Variants in COL1A2 observed in about 807,000 individuals in gnomAD.
COL1A2 encodes collagen type I alpha 2 chain.
A neutral mutation model predicts 174.3 loss-of-function variants in COL1A2; 49 were observed. The observed-to-expected ratio is 0.28, with a 90% CI of 0.22 to 0.36. The LOEUF is 0.36. Ranked by LOEUF, COL1A2 falls within the 10% of genes least tolerant of loss-of-function variation. The pLI is 1.00. For synonymous variants in COL1A2, 655 were observed against 606.6 expected, an observed-to-expected ratio of 1.08 and a Z score of -1.17; for missense variants, 1,438 against 1,822.7, an observed-to-expected ratio of 0.79 and a Z score of 3.84.
At chr7:94,409,534 G>T (rs1469222310) in intron 17 of COL1A2, 30 bp from the exon 18 acceptor site, 1 of 1,614,010 alleles carries the variant, frequency 6.2e-7, no homozygotes, top group Non-Finnish European at 8.5e-7. Context: ...CCAATTAACT[G>T]ATATCCTTCT....
At chr7:94,404,949 A>C (rs1791765074) in intron 9 of COL1A2, 57 bp downstream of exon 9, 3 of 1,586,784 alleles carry the variant, frequency 1.9e-6, no homozygotes, top group African/African-American at 1.3e-5. Context: ...TTGCCTCAAC[A>C]AGATTTTCTA....
intron 10 of COL1A2, 49 bp downstream of exon 10, chr7:94,405,301 G>A: frequency 6.5e-7 from 1 of 1,549,924 alleles, no homozygotes; most frequent in Non-Finnish European, 8.9e-7. Flanking sequence ...AGGCCTATAA[G>A]ATAGTTGCTA....
In COL1A2 at chr7:94,430,032, T is replaced by G. The variant is rs435184; in HGVS notation, c.3955-215T>G. The G allele has an allele frequency of 0.12, 70,317 of 565,900 alleles. 6,470 individuals are homozygous for G. Among genetic ancestry groups the G allele is most frequent in the East Asian group, 0.36 (12,027 of 33,846 alleles). 35.1% of individuals were successfully genotyped at this position (565,900 alleles called of 1,614,324 possible). ...TGAAATGTTGTTGGTTTTTTTGGTTTGTTTGTTTGTTTGTTTTTTGTTAGA... is the reference window on the plus strand; with the variant it reads ...TGAAATGTTGTTGGTTTTTTTGGTTGGTTTGTTTGTTTGTTTTTTGTTAGA... On this transcript the variant is annotated intron_variant, in intron 51 of 51. Transcript: ENST00000297268.
At chr7:94,419,803 G>A (rs112519645) in intron 34 of COL1A2, among the ~76,000 whole-genome samples, 10 of 152,058 alleles carry the variant, frequency 6.6e-5, no homozygotes, top group South Asian at 2.1e-4. Context: ...TCCATGTTGC[G>A]CATTAACAAT....
chr7:94,417,830 A>T lies in COL1A2; in HGVS notation c.1970A>T (p.Lys657Met). 1 of 1,592,356 alleles carries T rather than the reference A, an allele frequency of 6.3e-7. No individual in the cohort carries two copies. The highest frequency in any genetic ancestry group is 1.3e-5 in the African/African-American group (1 of 74,724). Residue 657 changes from lysine (K) to methionine (M), a missense_variant and splice_region_variant, in exon 32 of 52, where the codon AAG becomes ATG. This residue lies in a region of COL1A2 where 867 missense variants were observed against 1,213.7 expected (regional missense o/e 0.71). Coordinates refer to ENST00000297268, the MANE Select transcript of COL1A2 (RefSeq NM_000089.4). ...GGCATACCTGGAGGCAAGGGAGAAA[A>T]GGTACGTGTTGACCCCTATTACATA... ...AAGIPGGKGE[K>M]GEPGLRGEIG...
Position 94,409,875 on chromosome 7 carries a change from A to G in COL1A2, c.1035+54A>G, listed in dbSNP as rs2521206. On this transcript the variant is annotated intron_variant, in intron 19 of 51. Transcript: ENST00000297268. ...ATCCTGAAATACCACCTCTGCCATC[A>G]TTTCATCACTATCTAGACTTCCACT... 340,880 of 1,510,184 alleles carry G rather than the reference A, an allele frequency of 0.23. 41,184 individuals carry two copies. The highest frequency in any genetic ancestry group is 0.49 in the East Asian group (21,944 of 44,388). The allele number at this position is 1,510,184 out of a possible 1,614,324, so 93.5% of individuals were successfully genotyped here.
chr7:94,424,404 G>T lies in COL1A2; in HGVS notation c.2634G>T (p.Ser878=). 4.3e-6 allele frequency: 7 copies of T among 1,614,070 alleles called. No homozygotes were observed. The highest frequency in any genetic ancestry group is 5.9e-6 in the Non-Finnish European group (7 of 1,179,986). ...CTGGTATTCTGGGTCTCCCTGGCTC[G>T]AGAGGTGAACGTGGTCTACCAGGTG... is the stretch of plus-strand genomic sequence containing the variant. The part of the protein sequence containing the change: ...GAPGILGLPG[S]RGERGLPGVA... Residue 878 remains serine (S), a synonymous_variant, in exon 41 of 52, where the codon TCG becomes TCT. Transcript: ENST00000297268.
intron 47 of COL1A2, 54 bp from the exon 48 acceptor site, chr7:94,427,134 G>C: frequency 6.2e-7 from 1 of 1,610,302 alleles, no homozygotes; most frequent in Non-Finnish European, 8.5e-7. Flanking sequence ...CCAGGCTGCT[G>C]CTCCCTTGGT....
intron 30 of COL1A2, 65 bp downstream of exon 30, chr7:94,415,335 C>A: frequency 7.2e-7 from 1 of 1,385,122 alleles, no homozygotes; most frequent in Non-Finnish European, 1.0e-6. Context: ...GTAGTGCTTT[C>A]TCCTTAAAGC....
chr7:94,427,903 G>C lies in COL1A2; in HGVS notation c.3526+18G>C. The C allele has an allele frequency of 6.2e-7, 1 of 1,613,384 alleles. No individual in the cohort carries two copies. The highest frequency in any genetic ancestry group is 8.5e-7 in the Non-Finnish European group (1 of 1,179,672). On this transcript the variant is annotated intron_variant, in intron 49 of 51. Coordinates refer to ENST00000297268, the MANE Select transcript of COL1A2 (RefSeq NM_000089.4). ...GAGCAGTGGTAGGTCAAGATGTCCA[G>C]ACCAGACTGACCCTTCTCACAAGTT... is the stretch of plus-strand genomic sequence containing the variant.
At position 94,409,353 on chromosome 7, in the gene COL1A2, C is replaced by T. The variant is rs1434292644; in HGVS notation, c.824C>T (p.Pro275Leu). 24 of 1,613,956 alleles carry T rather than the reference C, an allele frequency of 1.5e-5. No individual in the cohort carries two copies. The highest frequency in any genetic ancestry group is 2.0e-5 in the Non-Finnish European group (24 of 1,180,020). ...GEIGAVGNAGPAGPAGPRGEV... is the reference protein window; with the variant it reads ...GEIGAVGNAGLAGPAGPRGEV... ...ATTGGAGCTGTTGGTAACGCTGGTCCTGCTGGTCCCGCCGGTCCCCGTGGT... is the reference window on the plus strand; with the variant it reads ...ATTGGAGCTGTTGGTAACGCTGGTCTTGCTGGTCCCGCCGGTCCCCGTGGT... The change falls in exon 17 of 52, where the codon CCT becomes CTT. Residue 275 changes from proline (P) to leucine (L), a missense_variant. Physicochemically the swap from Pro to Leu is moderately conservative, Grantham distance 98 (BLOSUM62 -3). Around this residue, in one of 3 missense-constraint regions of COL1A2, gnomAD observed 867 missense variants for 1,213.7 expected, o/e 0.71. Coordinates refer to ENST00000297268, the MANE Select transcript of COL1A2 (RefSeq NM_000089.4).
At chr7:94,400,156 G>A (rs755226579) in intron 4 of COL1A2, 40 bp from the exon 5 acceptor site, 1 of 1,577,954 alleles carries the variant, frequency 6.3e-7, no homozygotes, top group South Asian at 1.1e-5. Context: ...GTTTCTACAG[G>A]GCCTGTCTAA....
chr7:94,426,057 T>G lies in COL1A2; in HGVS notation c.2997+6T>G. 6.2e-7 allele frequency: 1 copy of G among 1,612,720 alleles called. No homozygotes were observed. The highest frequency in any genetic ancestry group is 2.2e-5 in the East Asian group (1 of 44,874). Reference sequence around the variant, plus strand: ...TTGGCCCAAGAGGTCCTAGTGTATGTACATGCTGAAGATTTCTTTGCAACA... The same window carrying G: ...TTGGCCCAAGAGGTCCTAGTGTATGGACATGCTGAAGATTTCTTTGCAACA... On this transcript the variant is annotated splice_donor_region_variant and intron_variant, in intron 45 of 51. Coordinates refer to ENST00000297268, the MANE Select transcript of COL1A2 (RefSeq NM_000089.4).
intron 1 of COL1A2, among the ~76,000 whole-genome samples, chr7:94,395,993 C>T (rs900981726): frequency 4.6e-5 from 7 of 152,008 alleles, no homozygotes; most frequent in African/African-American, 1.5e-4. Flanking sequence ...CTCAAGAGAC[C>T]GGGGTTTTTC....
intron 51 of COL1A2, 145 bp downstream of exon 51, chr7:94,429,575 T>G: frequency 1.3e-6 from 1 of 751,924 alleles, no homozygotes; most frequent in Non-Finnish European, 2.1e-6. Flanking sequence ...TAAATTCAGT[T>G]TTTGTATGTA....
At chr7:94,415,196 T>C (rs754220158) in intron 29 of COL1A2, 30 bp from the exon 30 acceptor site, 2 of 1,606,712 alleles carry the variant, frequency 1.2e-6, no homozygotes, top group Non-Finnish European at 1.7e-6. Flanking sequence ...CACACACAGA[T>C]TTCATGCTTT....
At chr7:94,414,112 A>G (rs1466623564) in intron 28 of COL1A2, 110 bp from the exon 29 acceptor site, 6 of 1,323,694 alleles carry the variant, frequency 4.5e-6, no homozygotes, top group East Asian at 2.3e-5. Flanking sequence ...TTAATAACAT[A>G]CAATCGTGCT....
chr7:94,430,503 A>G lies in COL1A2; in HGVS notation c.*110A>G. 1 of 1,142,210 alleles carries G rather than the reference A, an allele frequency of 8.8e-7. No homozygotes were observed. Among genetic ancestry groups the G allele is most frequent in the Non-Finnish European group, 1.3e-6 (1 of 780,860 alleles). The allele number at this position is 1,142,210 out of a possible 1,614,324, so 70.8% of individuals were successfully genotyped here. On this transcript the variant is annotated 3_prime_UTR_variant, in exon 52 of 52. Transcript: ENST00000297268. The stretch of plus-strand genomic sequence containing the variant: ...CTGAATCCTTCCATTTCTTCTGCAC[A>G]TCTACTTGCTTAAATTGTGGGCAAA...
chr7:94,410,328 T>C, intron 20 of COL1A2, 33 bp downstream of exon 20: 1 of 1,612,678 alleles, frequency 6.2e-7, no homozygotes, highest in Non-Finnish European at 8.5e-7. Context: ...TTTTATAAAG[T>C]TAATTGTTTT....
Sources: gnomAD v4.1 joint callset for allele counts (sites outside exome capture counted in the v4.1 genomes callset) on GRCh38, gnomAD v4.1.1 for gene constraint, gnomAD v4.1.1 regional missense constraint, MANE v1.5 for transcripts, NCBI Gene and HGNC (gene_info 2026-07-23, HGNC 2026-07-21) for gene names.